Variants in ST8SIA5 observed in about 807,000 individuals in gnomAD.
ST8SIA5 encodes alpha-2,8-sialyltransferase 8E.
In ST8SIA5, 24 loss-of-function variants were observed where a neutral mutation model predicts 40.2. The observed-to-expected ratio is 0.60, with a 90% CI of 0.43 to 0.84. The LOEUF (loss-of-function observed/expected upper bound fraction) is 0.84, where lower values mean the gene tolerates loss of function less well. Ranked by LOEUF, ST8SIA5 falls within the 40% of genes least tolerant of loss-of-function variation. The probability of loss-of-function intolerance (pLI) is 0.00; values close to 1 mark genes in which losing one functional copy is unlikely to be tolerated. For synonymous variants in ST8SIA5, 198 were observed against 201.8 expected, an observed-to-expected ratio of 0.98 and a Z score of 0.16; for missense variants, 465 against 498.5, an observed-to-expected ratio of 0.93 and a Z score of 0.64.
chr18:46,710,534 C>T (rs2039720921), intron 1 of ST8SIA5, among the ~76,000 whole-genome samples: 1 of 141,532 alleles, frequency 7.1e-6, no homozygotes, highest in African/African-American at 2.6e-5. Flanking sequence ...TTCTTCCTTT[C>T]TTTCTTTCTC....
intron 5 of ST8SIA5, among the ~76,000 whole-genome samples, chr18:46,685,068 A>G (rs1479800695): frequency 6.6e-6 from 1 of 152,152 alleles, no homozygotes; most frequent in African/African-American, 2.4e-5. Flanking sequence ...TACAATCATT[A>G]TGTGATTTAA....
chr18:46,684,845 G>A (rs536588624), intron 5 of ST8SIA5, among the ~76,000 whole-genome samples: 134 of 152,266 alleles, frequency 8.8e-4, no homozygotes, highest in Middle Eastern at 6.8e-3. Flanking sequence ...ACCAGGTTCC[G>A]TGGGAGCCCA....
At chr18:46,740,230 C>T (rs922206390) in intron 1 of ST8SIA5, among the ~76,000 whole-genome samples, 1 of 152,138 alleles carries the variant, frequency 6.6e-6, no homozygotes, top group Non-Finnish European at 1.5e-5. Context: ...CAGCCAATCT[C>T]GGTGATTCAT....
intron 1 of ST8SIA5, among the ~76,000 whole-genome samples, chr18:46,725,245 A>C (rs2039905081): frequency 6.6e-6 from 1 of 152,148 alleles, no homozygotes; most frequent in Non-Finnish European, 1.5e-5. Flanking sequence ...AGAAAACAGT[A>C]ATATTTCCAC....
chr18:46,683,236 T>A (rs2039415604), intron 5 of ST8SIA5, among the ~76,000 whole-genome samples: 1 of 152,192 alleles, frequency 6.6e-6, no homozygotes, highest in Non-Finnish European at 1.5e-5. Context: ...AAAGGCACCA[T>A]ACAAACATTC....
intron 6 of ST8SIA5, among the ~76,000 whole-genome samples, chr18:46,681,246 G>A (rs1044122377): frequency 5.3e-5 from 8 of 152,102 alleles, no homozygotes; most frequent in African/African-American, 1.9e-4. Context: ...CCAAAGTGCT[G>A]TGGTTATAGG....
intron 6 of ST8SIA5, among the ~76,000 whole-genome samples, chr18:46,681,339 C>T (rs890572716): frequency 1.3e-5 from 2 of 152,176 alleles, no homozygotes; most frequent in Non-Finnish European, 2.9e-5. Flanking sequence ...TGTCTCTTCC[C>T]GCCCCTTAAA....
intron 3 of ST8SIA5, among the ~76,000 whole-genome samples, chr18:46,691,110 C>G (rs1480077413): frequency 6.6e-6 from 1 of 152,182 alleles, no homozygotes; most frequent in Non-Finnish European, 1.5e-5. Flanking sequence ...TGGTTCTATT[C>G]TCTACTCTCC....
chr18:46,727,445 G>A (rs1344545524), intron 1 of ST8SIA5, among the ~76,000 whole-genome samples: 1 of 152,076 alleles, frequency 6.6e-6, no homozygotes, highest in East Asian at 1.9e-4. Flanking sequence ...CAACTACCAG[G>A]GGAATTTCAG....
intron 3 of ST8SIA5, among the ~76,000 whole-genome samples, chr18:46,690,339 G>C (rs1874465199): frequency 6.6e-6 from 1 of 152,184 alleles, no homozygotes; most frequent in Non-Finnish European, 1.5e-5. Context: ...CCTGAATGAA[G>C]CATCTCATCA....
intron 1 of ST8SIA5, among the ~76,000 whole-genome samples, chr18:46,745,654 A>G (rs1301205442): frequency 6.6e-6 from 1 of 152,258 alleles, no homozygotes; most frequent in Non-Finnish European, 1.5e-5. Flanking sequence ...AGGAGCTGGT[A>G]CCATTCCTTC....
chr18:46,722,168 G>T (rs77120706), intron 1 of ST8SIA5, among the ~76,000 whole-genome samples: 13,369 of 152,196 alleles, frequency 0.088, 854 homozygotes, highest in East Asian at 0.33. Context: ...GGTCCCCAGG[G>T]CCAGCGAAGG....
rs985668737 is a variant in ST8SIA5 at position 46,673,915 on chromosome 18, C to T, written c.*6127G>A. ...CCCCTGAGCCACAGTTAGCCTCTTC[C>T]CAGAGGGTGCTCTGGTTACAGGGAG... On this transcript the variant is annotated 3_prime_UTR_variant, in exon 7 of 7. Transcript: ENST00000315087. The T allele has an allele frequency of 6.6e-6, 1 of 152,180 alleles. No individual in the cohort carries two copies. Among genetic ancestry groups the T allele is most frequent in the African/African-American group, 2.4e-5 (1 of 41,462 alleles). 9.4% of individuals were successfully genotyped at this position (152,180 alleles called of 1,614,324 possible).
intron 1 of ST8SIA5, among the ~76,000 whole-genome samples, chr18:46,723,700 C>T (rs1419178907): frequency 2.0e-5 from 3 of 151,972 alleles, no homozygotes; most frequent in Non-Finnish European, 1.5e-5. Context: ...CCGAGGCAGG[C>T]GGACTGCCTG....
chr18:46,717,838 T>A (rs901503782), intron 1 of ST8SIA5, among the ~76,000 whole-genome samples: 4 of 133,372 alleles, frequency 3.0e-5, no homozygotes, highest in Non-Finnish European at 6.1e-5. Flanking sequence ...GCTTAATTCA[T>A]TTTTTTTTTT....
chr18:46,753,940 G>A (rs1306124088), intron 1 of ST8SIA5, among the ~76,000 whole-genome samples: 1 of 152,118 alleles, frequency 6.6e-6, no homozygotes, highest in Non-Finnish European at 1.5e-5. Context: ...TCAGATTCAG[G>A]GGCTCAGGAG....
chr18:46,756,834 G>T lies in ST8SIA5; in HGVS notation c.-326C>A. On this transcript the variant is annotated 5_prime_UTR_variant, in exon 1 of 7. Transcript: ENST00000315087. ...TCCCCGCGGAGGGGAGACGCCAGGT[G>T]CCACGAGCCGGAGGCGGCCCCTCCC... is the stretch of plus-strand genomic sequence containing the variant. 3.5e-6 allele frequency: 1 copy of T among 287,062 alleles called. No individual in the cohort carries two copies. The highest frequency in any genetic ancestry group is 5.4e-5 in the South Asian group (1 of 18,584). The allele number at this position is 287,062 out of a possible 1,614,324, so 17.8% of individuals were successfully genotyped here.
intron 1 of ST8SIA5, chr18:46,721,557 A>C (rs1464095875): frequency 9.3e-7 from 1 of 1,073,456 alleles, no homozygotes; most frequent in East Asian, 2.6e-5. Flanking sequence ...TGCTGTGCCC[A>C]AGTGACACAT....
rs371037051 is a variant in ST8SIA5 at position 46,743,808 on chromosome 18, C to A, written c.131+12570G>T. The stretch of plus-strand genomic sequence containing the variant: ...ATGAAGGAAAAAAGGTTAAGGGCAG[C>A]CAGAGAGAAAGGTCGGGTTACCCAC... On this transcript the variant is annotated intron_variant, in intron 1 of 6. Coordinates refer to ENST00000315087, the MANE Select transcript of ST8SIA5 (RefSeq NM_013305.6). Among the ~76,000 whole-genome samples, 24 of 152,196 alleles carry A rather than the reference C, an allele frequency of 1.6e-4. No individual in the cohort carries two copies. The East Asian group carries it at 2.9e-3, about 18-fold the overall frequency.
Sources: allele counts gnomAD v4.1 joint callset (sites outside exome capture counted in the v4.1 genomes callset), GRCh38; gene constraint gnomAD v4.1.1; transcripts MANE v1.5; gene names NCBI Gene and HGNC (gene_info 2026-07-23, HGNC 2026-07-21).